Variants in CORIN observed in about 807,000 individuals in gnomAD.
CORIN encodes the protein corin, serine peptidase, also known as atrial natriuretic peptide-converting enzyme.
In CORIN, 117 loss-of-function variants were observed where a neutral mutation model predicts 125.3. That is an observed-to-expected ratio of 0.93 (90% CI 0.80 to 1.09). The LOEUF (loss-of-function observed/expected upper bound fraction) is 1.09. Ranked by LOEUF, CORIN falls within the 50% of genes least tolerant of loss-of-function variation. The pLI is 0.00. For missense variants in CORIN, 1,253 were observed against 1,306.7 expected, an observed-to-expected ratio of 0.96 and a Z score of 0.63; for synonymous variants, 450 against 466.4, an observed-to-expected ratio of 0.96 and a Z score of 0.45.
At chr4:47,704,483 C>A (rs973295934) in intron 5 of CORIN, among the ~76,000 whole-genome samples, 5 of 151,938 alleles carry the variant, frequency 3.3e-5, no homozygotes, top group Non-Finnish European at 7.4e-5. Context: ...CGAGCCAGGG[C>A]AATAAGGGGT....
At chr4:47,713,059 T>C (rs575823450) in intron 5 of CORIN, among the ~76,000 whole-genome samples, 1 of 151,852 alleles carries the variant, frequency 6.6e-6, no homozygotes, top group Non-Finnish European at 1.5e-5. Flanking sequence ...AGAGGAAAAA[T>C]GGGCTTCTAC....
chr4:47,661,539 AGTGCCAAATTC>A (rs1724249391), intron 12 of CORIN, 161 bp downstream of exon 12: 1 of 556,798 alleles, frequency 1.8e-6, no homozygotes, highest in Non-Finnish European at 3.1e-6. Context: ...CTAACAGATG[AGTGCCAAATTC>A]TTCAATGCAA....
chr4:47,762,011 T>C (rs1004348915), intron 4 of CORIN, among the ~76,000 whole-genome samples: 3 of 152,140 alleles, frequency 2.0e-5, no homozygotes, highest in South Asian at 2.1e-4. Context: ...TATACACACA[T>C]ATATATACAC....
At chr4:47,736,185 CTCTT>C (rs1728126034) in intron 5 of CORIN, among the ~76,000 whole-genome samples, 1 of 152,280 alleles carries the variant, frequency 6.6e-6, no homozygotes, top group South Asian at 2.1e-4. Context: ...TAAAGGACTT[CTCTT>C]TCAGTTTTAC....
intron 19 of CORIN, among the ~76,000 whole-genome samples, chr4:47,605,253 G>T (rs562199573): frequency 5.8e-4 from 89 of 152,190 alleles, no homozygotes; most frequent in Admixed American, 2.2e-3. Context: ...TCTATTCTCT[G>T]TCTTGGCCCC....
At chr4:47,649,865 G>A (rs977975385) in intron 13 of CORIN, among the ~76,000 whole-genome samples, 1 of 152,200 alleles carries the variant, frequency 6.6e-6, no homozygotes, top group Non-Finnish European at 1.5e-5. Flanking sequence ...CCAAAGCTAT[G>A]GACATAATGA....
chr4:47,696,391 A>G (rs767804538), intron 5 of CORIN, among the ~76,000 whole-genome samples: 1 of 152,196 alleles, frequency 6.6e-6, no homozygotes, highest in Non-Finnish European at 1.5e-5. Flanking sequence ...TCATTCATTG[A>G]ATATATATTT....
intron 5 of CORIN, among the ~76,000 whole-genome samples, chr4:47,721,119 T>G (rs201887428): frequency 1.3e-5 from 2 of 152,110 alleles, no homozygotes; most frequent in Non-Finnish European, 2.9e-5. Context: ...GTGAGGGCCC[T>G]CTTCCCGGTT....
intron 10 of CORIN, among the ~76,000 whole-genome samples, chr4:47,673,228 T>TAAATA (rs1560499554): frequency 6.8e-6 from 1 of 146,474 alleles, no homozygotes; most frequent in South Asian, 2.2e-4. Flanking sequence ...ATAAATAAAT[T>TAAATA]AGCTGGGTGT....
intron 10 of CORIN, among the ~76,000 whole-genome samples, chr4:47,669,098 G>A (rs1290364098): frequency 6.6e-6 from 1 of 152,130 alleles, no homozygotes; most frequent in Non-Finnish European, 1.5e-5. Flanking sequence ...TAAGTTTGAT[G>A]TAGTACCCAG....
chr4:47,726,461 T>G (rs1727602679), intron 5 of CORIN, among the ~76,000 whole-genome samples: 1 of 152,146 alleles, frequency 6.6e-6, no homozygotes, highest in African/African-American at 2.4e-5. Context: ...GGGAATATAC[T>G]GTATGATTCC....
At chr4:47,733,151 A>C (rs1226881168) in intron 5 of CORIN, among the ~76,000 whole-genome samples, 1 of 124,096 alleles carries the variant, frequency 8.1e-6, no homozygotes, top group African/African-American at 3.1e-5. Context: ...CTCTCAAATA[A>C]AGAAGTTATC....
At chr4:47,712,356 C>G (rs766969884) in intron 5 of CORIN, among the ~76,000 whole-genome samples, 7 of 152,196 alleles carry the variant, frequency 4.6e-5, no homozygotes, top group Non-Finnish European at 7.4e-5. Flanking sequence ...ACTCTCCACT[C>G]ACTGCAAACT....
chr4:47,804,168 C>T (rs182024724), intron 2 of CORIN, among the ~76,000 whole-genome samples: 1 of 152,220 alleles, frequency 6.6e-6, no homozygotes, highest in Admixed American at 6.5e-5. Flanking sequence ...TTACCTCACC[C>T]CAGCTAAAAT....
chr4:47,698,412 A>G (rs1054435355), intron 5 of CORIN, among the ~76,000 whole-genome samples: 1 of 151,834 alleles, frequency 6.6e-6, no homozygotes, highest in Non-Finnish European at 1.5e-5. Context: ...CTCCGGCAAG[A>G]GTCTGCCCGG....
intron 19 of CORIN, among the ~76,000 whole-genome samples, chr4:47,614,920 G>C (rs943562344): frequency 6.6e-6 from 1 of 152,132 alleles, no homozygotes; most frequent in Non-Finnish European, 1.5e-5. Context: ...ATTATCTCGG[G>C]CACTTAGAAG....
intron 3 of CORIN, among the ~76,000 whole-genome samples, chr4:47,766,266 A>G (rs570992450): frequency 2.2e-4 from 33 of 152,350 alleles, no homozygotes; most frequent in African/African-American, 6.5e-4. Context: ...AGTCTAGATG[A>G]GTGGTCTAGG....
intron 6 of CORIN, among the ~76,000 whole-genome samples, chr4:47,688,680 A>G (rs938582200): frequency 2.0e-5 from 3 of 152,236 alleles, no homozygotes; most frequent in African/African-American, 7.2e-5. Flanking sequence ...AAGACTCATA[A>G]AGAAAGAAAC....
In CORIN at chr4:47,653,536, C is replaced by T; in HGVS notation, c.1843+17G>A. The T allele has an allele frequency of 6.3e-7, 1 of 1,591,562 alleles. No homozygotes were observed. The highest frequency in any genetic ancestry group is 2.2e-5 in the East Asian group (1 of 44,752). ...TATCACTGTACATTCAAGAAAAGTA[C>T]CATTGCACATACATACCACAGTTTT... On this transcript the variant is annotated intron_variant, in intron 13 of 21. Transcript: ENST00000273857.
Sources: allele counts gnomAD v4.1 joint callset (sites outside exome capture counted in the v4.1 genomes callset), GRCh38; gene constraint gnomAD v4.1.1; transcripts MANE v1.5; gene names NCBI Gene and HGNC (gene_info 2026-07-23, HGNC 2026-07-21).